Variants in PAK1 observed in about 807,000 individuals in gnomAD.
PAK1 encodes p21 (RAC1) activated kinase 1.
A neutral mutation model predicts 67.4 loss-of-function variants in PAK1; 29 were observed. The observed-to-expected ratio is 0.43, with a 90% CI of 0.32 to 0.59. PAK1 has a LOEUF of 0.59. PAK1 is among the 20% of genes least tolerant of loss of function. PAK1 has a pLI of 0.07. For missense variants in PAK1, 337 were observed against 670.7 expected (o/e 0.50, Z 5.50); for synonymous variants, 223 against 237.4 (o/e 0.94, Z 0.56).
intron 1 of PAK1, among the ~76,000 whole-genome samples, chr11:77,466,710 ATTG>A (rs1384451934): frequency 6.6e-6 from 1 of 152,156 alleles, no homozygotes; most frequent in Non-Finnish European, 1.5e-5. Context: ...CAGCTTCCAA[ATTG>A]TTGTGCATAT....
At chr11:77,399,394 G>A (rs1050861593) in intron 1 of PAK1, among the ~76,000 whole-genome samples, 6 of 152,186 alleles carry the variant, frequency 3.9e-5, no homozygotes, top group Non-Finnish European at 8.8e-5. Context: ...GGTATTAAGA[G>A]TAGCAGCTTA....
chr11:77,353,751 A>G (rs980308712), intron 7 of PAK1, 152 bp from the exon 8 acceptor site: 22 of 634,374 alleles, frequency 3.5e-5, no homozygotes, highest in Admixed American at 5.6e-5. Context: ...CTTTTCCCCC[A>G]TAAGTCTCAA....
At chr11:77,368,141 C>T (rs1490836828) in intron 5 of PAK1, among the ~76,000 whole-genome samples, 1 of 152,120 alleles carries the variant, frequency 6.6e-6, no homozygotes, top group Non-Finnish European at 1.5e-5. Context: ...AAGCTCCCTG[C>T]AGTATAAATA....
At chr11:77,349,557 C>A (rs772422250) in intron 8 of PAK1, 1 of 413,560 alleles carries the variant, frequency 2.4e-6, no homozygotes, top group East Asian at 3.8e-5. Context: ...TATTTAACTT[C>A]TTTGAGCTTC....
chr11:77,395,907 G>A (rs936313491), intron 1 of PAK1, among the ~76,000 whole-genome samples: 5 of 152,104 alleles, frequency 3.3e-5, no homozygotes, highest in South Asian at 2.1e-4. Context: ...CTCAGCTCCC[G>A]CAAGAGAACT....
intron 5 of PAK1, among the ~76,000 whole-genome samples, chr11:77,360,549 C>T (rs1946640876): frequency 6.6e-6 from 1 of 152,186 alleles, no homozygotes; most frequent in African/African-American, 2.4e-5. Context: ...CTCAGCAAGG[C>T]TCTTCATCAT....
chr11:77,512,173 A>G, the PAK1 span, among the ~76,000 whole-genome samples: 1 of 152,158 alleles, frequency 6.6e-6, no homozygotes, highest in Non-Finnish European at 1.5e-5. Context: ...CGAATTTTGC[A>G]GGCAGTTGAT....
intron 5 of PAK1, among the ~76,000 whole-genome samples, chr11:77,360,135 T>C (rs1946587395): frequency 6.6e-6 from 1 of 152,060 alleles, no homozygotes; most frequent in South Asian, 2.1e-4. Flanking sequence ...ACGGGATAAA[T>C]GGAAGAACTA....
At chr11:77,521,637 A>G in the PAK1 span, among the ~76,000 whole-genome samples, 2 of 152,226 alleles carry the variant, frequency 1.3e-5, no homozygotes, top group African/African-American at 2.4e-5. Context: ...AAGGGAAAGA[A>G]AAGGATGTCT....
At position 77,353,402 on chromosome 11, in the gene PAK1, A is replaced by G. The variant is rs1945552535; in HGVS notation, c.836+134T>C. ...AATCTCAAGTCAGTCTCACATAACAACTCCAGATGGGTGAGGGGTAAAGTG... is the reference window on the plus strand; with the variant it reads ...AATCTCAAGTCAGTCTCACATAACAGCTCCAGATGGGTGAGGGGTAAAGTG... On this transcript the variant is annotated intron_variant, in intron 8 of 14. Transcript: ENST00000356341. The G allele has an allele frequency of 2.3e-5, 15 of 647,974 alleles. No homozygotes were observed. The South Asian group carries it at 2.7e-4, about 12-fold the overall frequency. 40.1% of individuals were successfully genotyped at this position (647,974 alleles called of 1,614,324 possible). A position where few individuals can be genotyped will look rare whatever the true frequency, so the allele number is the denominator to read the frequency against.
chr11:77,339,382 T>C (rs1943229241), intron 11 of PAK1, among the ~76,000 whole-genome samples: 1 of 152,128 alleles, frequency 6.6e-6, no homozygotes, highest in Non-Finnish European at 1.5e-5. Context: ...AGCTTAGCTA[T>C]ATATCTGTGA....
chr11:77,501,690 TG>T, the PAK1 span, among the ~76,000 whole-genome samples: 1 of 152,194 alleles, frequency 6.6e-6, no homozygotes, highest in African/African-American at 2.4e-5. Flanking sequence ...GTATTGCTCC[TG>T]GTGTCTTTGC....
the PAK1 span, among the ~76,000 whole-genome samples, chr11:77,489,040 G>A: frequency 6.6e-6 from 1 of 152,120 alleles, no homozygotes; most frequent in East Asian, 1.9e-4. Flanking sequence ...GAAAGGACCC[G>A]AAAAGCAGCA....
intron 2 of PAK1, among the ~76,000 whole-genome samples, chr11:77,380,919 A>T (rs1324035607): frequency 1.3e-5 from 2 of 152,202 alleles, no homozygotes; most frequent in Non-Finnish European, 2.9e-5. Context: ...TGTTCATTTC[A>T]GCAGCTCTGG....
chr11:77,429,774 C>T (rs1227400265), intron 1 of PAK1, among the ~76,000 whole-genome samples: 2 of 152,132 alleles, frequency 1.3e-5, no homozygotes, highest in Admixed American at 6.5e-5. Flanking sequence ...AAAAGACAGT[C>T]GGACAATTGG....
intron 1 of PAK1, among the ~76,000 whole-genome samples, chr11:77,402,292 A>T (rs980831715): frequency 6.6e-6 from 1 of 152,146 alleles, no homozygotes; most frequent in African/African-American, 2.4e-5. Context: ...AGAAATTTAG[A>T]GTGACAGACT....
intron 9 of PAK1, among the ~76,000 whole-genome samples, chr11:77,348,179 T>C (rs980900411): frequency 6.6e-6 from 1 of 152,240 alleles, no homozygotes; most frequent in Non-Finnish European, 1.5e-5. Flanking sequence ...AGCACGTTTC[T>C]AGCAGCCTCC....
At chr11:77,345,444 G>A (rs924021447) in intron 9 of PAK1, among the ~76,000 whole-genome samples, 1 of 152,096 alleles carries the variant, frequency 6.6e-6, no homozygotes, top group Admixed American at 6.5e-5. Flanking sequence ...CTGCTTAGTG[G>A]ACAAGAACAC....
chr11:77,366,029 G>A (rs946107685), intron 5 of PAK1, among the ~76,000 whole-genome samples: 1 of 152,084 alleles, frequency 6.6e-6, no homozygotes, highest in African/African-American at 2.4e-5. Flanking sequence ...CAGAAAAAAT[G>A]GAGGTCAAAA....
Sources: gnomAD v4.1 joint callset for allele counts (sites outside exome capture counted in the v4.1 genomes callset) on GRCh38, gnomAD v4.1.1 for gene constraint, MANE v1.5 for transcripts, NCBI Gene and HGNC (gene_info 2026-07-23, HGNC 2026-07-21) for gene names.